Variants in SLC24A1 observed in about 807,000 individuals in gnomAD.
SLC24A1 encodes solute carrier family 24 member 1, also known as sodium/potassium/calcium exchanger 1.
Under a neutral mutation model 88.1 loss-of-function variants are expected in SLC24A1, and 52 were observed. That is an observed-to-expected ratio of 0.59 (90% confidence interval 0.47 to 0.74). The LOEUF (loss-of-function observed/expected upper bound fraction) is 0.74. Ranked by LOEUF, SLC24A1 falls within the 30% of genes least tolerant of loss-of-function variation. SLC24A1 has a pLI of 0.00. For missense variants in SLC24A1, 1,173 were observed against 1,363.3 expected (o/e 0.86, Z 2.20); for synonymous variants, 455 against 498.0 (o/e 0.91, Z 1.15).
At position 65,624,126 on chromosome 15, in the gene SLC24A1, C is replaced by T. The variant is rs773536245; in HGVS notation, c.46C>T (p.Arg16Trp). The T allele has an allele frequency of 6.2e-6, 10 of 1,611,850 alleles. No individual in the cohort carries two copies. The highest frequency in any genetic ancestry group is 2.2e-5 in the East Asian group (1 of 44,874). The change falls in exon 2 of 10, where the codon CGG becomes TGG. Residue 16 changes from arginine (R) to tryptophan (W), a missense_variant. By Grantham distance (101) the Arg-to-Trp change is moderately radical. Coordinates refer to ENST00000261892, the MANE Select transcript of SLC24A1 (RefSeq NM_004727.3). ...RMGPQERWLL[R>W]TKRLHWSRLL... The stretch of plus-strand genomic sequence containing the variant: ...GGGGCCGCAAGAGAGGTGGTTACTC[C>T]GGACAAAGCGGCTTCATTGGAGTCG...
chr15:65,654,707 C>CTTTT lies in SLC24A1; in HGVS notation c.*640_*643dup. On this transcript the variant is annotated 3_prime_UTR_variant, in exon 10 of 10. Transcript: ENST00000261892. ...GCATCTGGATATATACCAGTATTTTCTTTTTTTTTTTTTTTGAGACAGAGT... is the reference window on the plus strand; with the variant it reads ...GCATCTGGATATATACCAGTATTTTCTTTTTTTTTTTTTTTTTTTGAGACAGAGT... The CTTTT allele has an allele frequency of 8.9e-6, 10 of 1,119,602 alleles. No individual in the cohort carries two copies. The highest frequency in any genetic ancestry group is 2.8e-5 in the Admixed American group (1 of 36,164). 69.4% of individuals were successfully genotyped at this position (1,119,602 alleles called of 1,614,324 possible).
chr15:65,632,805 G>C (rs2074777214), intron 2 of SLC24A1, among the ~76,000 whole-genome samples: 1 of 152,154 alleles, frequency 6.6e-6, no homozygotes, highest in African/African-American at 2.4e-5. Flanking sequence ...TACTCACTAA[G>C]AAAAAGAATA....
chr15:65,623,603 A>G (rs980427485), intron 1 of SLC24A1, among the ~76,000 whole-genome samples: 3 of 152,134 alleles, frequency 2.0e-5, no homozygotes, highest in African/African-American at 7.2e-5. Flanking sequence ...GACACCAGCT[A>G]TGGATGACTG....
chr15:65,645,080 G>T (rs1424846458), intron 5 of SLC24A1, among the ~76,000 whole-genome samples: 1 of 152,204 alleles, frequency 6.6e-6, no homozygotes, highest in Non-Finnish European at 1.5e-5. Flanking sequence ...GATGGAGGTG[G>T]AACAGCAGTC....
intron 4 of SLC24A1, among the ~76,000 whole-genome samples, chr15:65,643,495 G>A (rs960167307): frequency 1.4e-4 from 21 of 152,318 alleles, no homozygotes; most frequent in African/African-American, 4.6e-4. Context: ...AATAGAGCCC[G>A]TAGATCCCAT....
chr15:65,635,394 C>A (rs1331460203), intron 2 of SLC24A1, among the ~76,000 whole-genome samples: 1 of 133,670 alleles, frequency 7.5e-6, no homozygotes, highest in South Asian at 2.6e-4. Flanking sequence ...GCAGGAGAAT[C>A]GCTTGAACCC....
rs1319803654 is a variant in SLC24A1 at position 65,655,095 on chromosome 15, G to T, written c.*1016G>T. 9.9e-7 allele frequency: 1 copy of T among 1,012,748 alleles called. No homozygotes were observed. The highest frequency in any genetic ancestry group is 1.7e-5 in the African/African-American group (1 of 57,374). 62.7% of individuals were successfully genotyped at this position (1,012,748 alleles called of 1,614,324 possible). A position where few individuals can be genotyped will look rare whatever the true frequency, so the allele number is the denominator to read the frequency against. On this transcript the variant is annotated 3_prime_UTR_variant, in exon 10 of 10. Coordinates refer to ENST00000261892, the MANE Select transcript of SLC24A1 (RefSeq NM_004727.3). ...TATTTATTAGAACATGCAAATTCAT[G>T]TTGTCTCCATCAGTGGTCACCTTGA...
At chr15:65,653,115 T>G (rs1770418520) in intron 9 of SLC24A1, among the ~76,000 whole-genome samples, 1 of 152,068 alleles carries the variant, frequency 6.6e-6, no homozygotes, top group Non-Finnish European at 1.5e-5. Flanking sequence ...GCGGTGGAGG[T>G]AGGATTGGAA....
In SLC24A1 at chr15:65,655,627, G is replaced by A. The variant is rs965220307; in HGVS notation, c.*1548G>A. The A allele has an allele frequency of 7.1e-6, 7 of 985,152 alleles. No individual in the cohort carries two copies. The highest frequency in any genetic ancestry group is 1.1e-4 in the East Asian group (1 of 8,820). The allele number at this position is 985,152 out of a possible 1,614,324, so 61.0% of individuals were successfully genotyped here. On this transcript the variant is annotated 3_prime_UTR_variant, in exon 10 of 10. Coordinates refer to ENST00000261892, the MANE Select transcript of SLC24A1 (RefSeq NM_004727.3). ...AGCTCGGGTGACTGCAGATTATGAT[G>A]GTAAATATGGCTTTAATTACAAACA...
intron 1 of SLC24A1, among the ~76,000 whole-genome samples, chr15:65,622,822 A>G (rs1190404449): frequency 6.6e-6 from 1 of 151,742 alleles, no homozygotes; most frequent in Non-Finnish European, 1.5e-5. Flanking sequence ...ACTCACTGCA[A>G]CCTCTGCCTG....
chr15:65,651,970 T>C, intron 8 of SLC24A1: 1 of 561,646 alleles, frequency 1.8e-6, no homozygotes, highest in Non-Finnish European at 3.3e-6. Context: ...TAGCATGGCA[T>C]AGAAGGCCTT....
chr15:65,646,334 C>T (rs2075299523), intron 6 of SLC24A1, among the ~76,000 whole-genome samples: 1 of 152,118 alleles, frequency 6.6e-6, no homozygotes, highest in African/African-American at 2.4e-5. Flanking sequence ...ACCTTGGCCT[C>T]CCAAAGTGCT....
At chr15:65,615,388 T>G (rs1178412557) in intron 2 of SLC24A1, among the ~76,000 whole-genome samples, 1 of 152,196 alleles carries the variant, frequency 6.6e-6, no homozygotes, top group Non-Finnish European at 1.5e-5. Context: ...AAAAGTAATT[T>G]GTGAGGCTGG....
At chr15:65,635,478 A>G (rs1297918534) in intron 2 of SLC24A1, among the ~76,000 whole-genome samples, 1 of 151,506 alleles carries the variant, frequency 6.6e-6, no homozygotes, top group African/African-American at 2.4e-5. Flanking sequence ...AAAGAAAAAA[A>G]AAGAAAGAAC....
intron 2 of SLC24A1, among the ~76,000 whole-genome samples, chr15:65,615,425 G>A (rs2074105437): frequency 6.6e-6 from 1 of 152,208 alleles, no homozygotes; most frequent in African/African-American, 2.4e-5. Flanking sequence ...GCTCACGCCT[G>A]TAATTCCAGC....
chr15:65,625,643 C>T lies in SLC24A1; in HGVS notation c.1563C>T (p.Ser521=). The T allele has an allele frequency of 1.2e-6, 2 of 1,614,020 alleles. No individual in the cohort carries two copies. The highest frequency in any genetic ancestry group is 2.2e-5 in the East Asian group (1 of 44,882). The change falls in exon 2 of 10, where the codon AGC becomes AGT. Residue 521 remains serine (S), a synonymous_variant. Transcript: ENST00000261892. ...TCATCGGTGTCTTCATTTCCCACAG[C>T]AACGTGGGCATTGGTACCATTGTGG... The part of the protein sequence containing the change: ...TSLIGVFISH[S]NVGIGTIVGS...
At chr15:65,628,863 G>A (rs186851232) in intron 2 of SLC24A1, among the ~76,000 whole-genome samples, 11 of 152,294 alleles carry the variant, frequency 7.2e-5, no homozygotes, top group Admixed American at 6.5e-4. Context: ...AGTGAACCCT[G>A]TGCAAAGTGC....
chr15:65,657,820 T>C (rs888304570), downstream of SLC24A1, among the ~76,000 whole-genome samples: 2 of 152,116 alleles, frequency 1.3e-5, no homozygotes, highest in African/African-American at 4.8e-5. Context: ...GAGCTGCCTA[T>C]CCCTGGGGGT....
rs756856037 is a variant in SLC24A1 at position 65,625,913 on chromosome 15, G to C, written c.1833G>C (p.Lys611Asn). Reference protein sequence around the residue: ...KWNKHIEVWVKEQLSRRPVAK... With the variant: ...KWNKHIEVWVNEQLSRRPVAK... Reference sequence around the variant, plus strand: ...ACAAGCATATCGAGGTCTGGGTGAAGGAGCAGCTCAGCAGGAGGCCAGTGG... The same window carrying C: ...ACAAGCATATCGAGGTCTGGGTGAACGAGCAGCTCAGCAGGAGGCCAGTGG... Residue 611 changes from lysine (K) to asparagine (N), a missense_variant, in exon 2 of 10, where the codon AAG becomes AAC. Transcript: ENST00000261892. The C allele has an allele frequency of 7.4e-6, 12 of 1,613,910 alleles. No individual in the cohort carries two copies. Among genetic ancestry groups the C allele is most frequent in the Admixed American group, 1.7e-5 (1 of 60,014 alleles).
Sources: allele counts gnomAD v4.1 joint callset (sites outside exome capture counted in the v4.1 genomes callset), GRCh38; gene constraint gnomAD v4.1.1; transcripts MANE v1.5; gene names NCBI Gene and HGNC (gene_info 2026-07-23, HGNC 2026-07-21).